Variants in HORMAD2 observed in about 807,000 individuals in gnomAD.
HORMAD2 encodes HORMA domain-containing protein 2.
HORMAD2 carries 45 observed loss-of-function variants against 38.8 expected under a neutral mutation model. The observed-to-expected ratio is 1.16, with a 90% CI of 0.91 to 1.49. The LOEUF (loss-of-function observed/expected upper bound fraction) is 1.49, where lower values mean the gene tolerates loss of function less well. HORMAD2 is among the 40% of genes most tolerant of loss of function. The probability of loss-of-function intolerance (pLI) is 0.00; values close to 1 mark genes in which losing one functional copy is unlikely to be tolerated. For missense variants in HORMAD2, 338 were observed against 367.0 expected, an observed-to-expected ratio of 0.92 and a Z score of 0.65; for synonymous variants, 126 against 122.8, an observed-to-expected ratio of 1.03 and a Z score of -0.17.
chr22:30,201,572 C>T, the HORMAD2 span, among the ~76,000 whole-genome samples: 1 of 152,146 alleles, frequency 6.6e-6, no homozygotes, highest in Admixed American at 6.5e-5. Context: ...CGCCCACCCC[C>T]TCGCCCGGCT....
At chr22:30,107,477 A>G (rs1329021430) in intron 5 of HORMAD2, among the ~76,000 whole-genome samples, 1 of 152,120 alleles carries the variant, frequency 6.6e-6, no homozygotes, top group Non-Finnish European at 1.5e-5. Flanking sequence ...GGCCGAACAC[A>G]GTGGCTCACA....
chr22:30,131,056 C>T (rs1923250018), intron 10 of HORMAD2, among the ~76,000 whole-genome samples: 1 of 152,134 alleles, frequency 6.6e-6, no homozygotes, highest in Non-Finnish European at 1.5e-5. Flanking sequence ...AGACAACTTC[C>T]CCTAAAGATC....
chr22:30,153,409 C>T (rs774877822), intron 10 of HORMAD2, among the ~76,000 whole-genome samples: 1 of 152,150 alleles, frequency 6.6e-6, no homozygotes, highest in African/African-American at 2.4e-5. Context: ...TCTTGGCTTT[C>T]GGGCTGCTTG....
At chr22:30,161,366 C>A (rs1170292529) in intron 10 of HORMAD2, among the ~76,000 whole-genome samples, 1 of 152,212 alleles carries the variant, frequency 6.6e-6, no homozygotes, top group Non-Finnish European at 1.5e-5. Flanking sequence ...CTGTGAGAAG[C>A]AGGGTATTGC....
intron 1 of HORMAD2, among the ~76,000 whole-genome samples, chr22:30,085,789 T>A (rs1601494604): frequency 1.3e-5 from 2 of 152,184 alleles, no homozygotes; most frequent in East Asian, 1.9e-4. Flanking sequence ...ATATAAAGAA[T>A]GAGCTAGACT....
downstream of HORMAD2, among the ~76,000 whole-genome samples, chr22:30,177,629 T>A (rs1202255364): frequency 5.3e-5 from 8 of 151,468 alleles, no homozygotes; most frequent in Admixed American, 5.3e-4. Flanking sequence ...AGCTGTCTAG[T>A]AGAGGAATTA....
chr22:30,081,507 T>C (rs931940619), intron 1 of HORMAD2, among the ~76,000 whole-genome samples: 1 of 152,250 alleles, frequency 6.6e-6, no homozygotes, highest in Non-Finnish European at 1.5e-5. Context: ...GCAAGCTCTG[T>C]TGGAAGGTCT....
chr22:30,203,445 C>T, the HORMAD2 span, among the ~76,000 whole-genome samples: 1 of 151,490 alleles, frequency 6.6e-6, no homozygotes, highest in African/African-American at 2.4e-5. Context: ...GCCTGGCACT[C>T]AACACCAAGG....
chr22:30,192,602 C>G, the HORMAD2 span, among the ~76,000 whole-genome samples: 26 of 152,162 alleles, frequency 1.7e-4, no homozygotes, highest in Admixed American at 1.7e-3. Flanking sequence ...AAGAACTAGT[C>G]ACTTCCTGTT....
chr22:30,189,192 T>C, the HORMAD2 span, among the ~76,000 whole-genome samples: 1 of 152,204 alleles, frequency 6.6e-6, no homozygotes, highest in Admixed American at 6.5e-5. Context: ...GTTCTAATTC[T>C]TTCTGTCTGA....
chr22:30,136,355 T>G (rs1923652379), intron 10 of HORMAD2, among the ~76,000 whole-genome samples: 1 of 152,278 alleles, frequency 6.6e-6, no homozygotes, highest in South Asian at 2.1e-4. Context: ...AACTTAATGG[T>G]TTTTAGTTAT....
intron 10 of HORMAD2, among the ~76,000 whole-genome samples, chr22:30,140,924 C>A (rs1391463230): frequency 1.3e-5 from 2 of 152,068 alleles, no homozygotes; most frequent in African/African-American, 2.4e-5. Flanking sequence ...TTCCTCTAAG[C>A]AATGCTTTAG....
At chr22:30,198,445 T>C in the HORMAD2 span, among the ~76,000 whole-genome samples, 1 of 152,122 alleles carries the variant, frequency 6.6e-6, no homozygotes, top group African/African-American at 2.4e-5. Flanking sequence ...GATACCTGAA[T>C]GCCTGAGTGT....
chr22:30,088,705 A>G (rs897121571), intron 1 of HORMAD2, among the ~76,000 whole-genome samples: 5 of 151,384 alleles, frequency 3.3e-5, no homozygotes, highest in Non-Finnish European at 5.9e-5. Context: ...AAAATTAAAA[A>G]GTAAGTTTTA....
chr22:30,130,669 C>A (rs1268391817), intron 10 of HORMAD2, among the ~76,000 whole-genome samples: 1 of 146,460 alleles, frequency 6.8e-6, no homozygotes, highest in Non-Finnish European at 1.5e-5. Context: ...CGGCTCACTG[C>A]AATCTCTGCC....
the HORMAD2 span, among the ~76,000 whole-genome samples, chr22:30,190,147 T>A: frequency 1.6e-4 from 24 of 152,272 alleles, 2 homozygotes; most frequent in East Asian, 4.4e-3. Context: ...TAATCATTCT[T>A]TACAAGTGAG....
chr22:30,123,174 T>A (rs1377903519), intron 10 of HORMAD2, among the ~76,000 whole-genome samples: 5 of 152,176 alleles, frequency 3.3e-5, no homozygotes, highest in Non-Finnish European at 7.4e-5. Context: ...AACAGATTGT[T>A]TTTAAATTTT....
chr22:30,136,153 A>T (rs1923636430), intron 10 of HORMAD2, among the ~76,000 whole-genome samples: 1 of 152,242 alleles, frequency 6.6e-6, no homozygotes, highest in African/African-American at 2.4e-5. Flanking sequence ...GGGAATGGAT[A>T]AACTTAAGAC....
At chr22:30,104,576 T>G (rs1299205149) in intron 5 of HORMAD2, 139 bp downstream of exon 5, 1 of 620,902 alleles carries the variant, frequency 1.6e-6, no homozygotes, top group Non-Finnish European at 2.7e-6. Context: ...TTTCTTATCT[T>G]ATGTCTTTAT....
Sources: allele counts gnomAD v4.1 joint callset (sites outside exome capture counted in the v4.1 genomes callset), GRCh38; gene constraint gnomAD v4.1.1; transcripts MANE v1.5; gene names NCBI Gene and HGNC (gene_info 2026-07-23, HGNC 2026-07-21).